The following USP18 variants were observed in gnomAD, a reference collection of about 807,000 sequenced individuals.
USP18 encodes the protein ubl carboxyl-terminal hydrolase 18.
In USP18, 11 loss-of-function variants were observed where a neutral mutation model predicts 48.7. The observed-to-expected ratio is 0.23, with a 90% CI of 0.14 to 0.37. USP18 has a LOEUF of 0.37. Among genes scored for constraint, USP18 ranks in the 10% least tolerant of loss-of-function variants. The pLI, the probability that USP18 is intolerant of heterozygous loss-of-function variation, is 1.00. For missense variants in USP18, 285 were observed against 436.4 expected, an observed-to-expected ratio of 0.65 and a Z score of 3.09; for synonymous variants, 114 against 163.2, an observed-to-expected ratio of 0.70 and a Z score of 2.30.
intron 4 of USP18, 117 bp downstream of exon 4, chr22:18,162,052 G>A: frequency 1.5e-6 from 2 of 1,346,038 alleles, no homozygotes; most frequent in East Asian, 5.2e-5. Flanking sequence ...AGGTAGCCTG[G>A]ACCCCTCAGA....
At chr22:18,164,321 C>T (rs528521627) in intron 4 of USP18, among the ~76,000 whole-genome samples, 341 of 151,952 alleles carry the variant, frequency 2.2e-3, no homozygotes, top group African/African-American at 7.3e-3. Flanking sequence ...TGCCTGTTCA[C>T]GCTGCACTGG....
At chr22:18,174,580 CT>C (rs918643229) in intron 10 of USP18, among the ~76,000 whole-genome samples, 9 of 151,916 alleles carry the variant, frequency 5.9e-5, no homozygotes, top group East Asian at 3.9e-4. Context: ...CAGCGAAGAT[CT>C]TTTTTTTAAT....
chr22:18,159,906 T>C (rs1400234386), intron 2 of USP18, among the ~76,000 whole-genome samples: 7 of 152,032 alleles, frequency 4.6e-5, no homozygotes, highest in Non-Finnish European at 4.4e-5. Flanking sequence ...CTCGATCTCC[T>C]GACCTCGTGA....
At chr22:18,167,802 T>C in intron 5 of USP18, 88 bp from the exon 6 acceptor site, 1 of 1,467,862 alleles carries the variant, frequency 6.8e-7, no homozygotes, top group East Asian at 2.3e-5. Context: ...GTGAGGAGCT[T>C]CTGTCTCTTG....
At chr22:18,167,094 A>G (rs2542109) in intron 4 of USP18, among the ~76,000 whole-genome samples, 161 bp from the exon 5 acceptor site, 79,471 of 151,986 alleles carry the variant, frequency 0.52, 24,289 homozygotes, top group African/African-American at 0.85. Flanking sequence ...CTTACTGTTC[A>G]TTTATTGATC....
At position 18,167,647 on chromosome 22, in the gene USP18, G is replaced by A. The variant is rs570891634; in HGVS notation, c.481-243G>A. ...CGGGAAGCGGAGCTTGCAGTGAGCC[G>A]AGATCGCGCCACTGCACTCCAGCCT... On this transcript the variant is annotated intron_variant, in intron 5 of 10. Transcript: ENST00000215794. Among the ~76,000 whole-genome samples the A allele has an allele frequency of 1.0e-3, 153 of 147,592 alleles. 1 individual carries two copies. The highest frequency in any genetic ancestry group is 3.2e-3 in the African/African-American group (128 of 39,912).
At chr22:18,152,358 G>A (rs34418672) in intron 1 of USP18, among the ~76,000 whole-genome samples, 36,110 of 151,838 alleles carry the variant, frequency 0.24, 4,603 homozygotes, top group African/African-American at 0.3. Context: ...GATTGGTCCT[G>A]GGGCTTCTTT....
At position 18,164,753 on chromosome 22, in the gene USP18, G is replaced by A. The variant is rs115094765; in HGVS notation, c.401-2502G>A. On this transcript the variant is annotated intron_variant, in intron 4 of 10. Transcript: ENST00000215794. ...TTAAAACTGCCTCTTTGCCCTCTGTGGTCGCAGAGGATTCATAACTGCTGA... is the reference window on the plus strand; with the variant it reads ...TTAAAACTGCCTCTTTGCCCTCTGTAGTCGCAGAGGATTCATAACTGCTGA... Among the ~76,000 whole-genome samples the A allele has an allele frequency of 3.7e-3, 568 of 152,302 alleles. 5 individuals are homozygous for A. The highest frequency in any genetic ancestry group is 0.013 in the African/African-American group (550 of 41,552).
chr22:18,163,250 A>AT (rs1014154465), intron 4 of USP18, among the ~76,000 whole-genome samples: 5 of 151,788 alleles, frequency 3.3e-5, no homozygotes, highest in Non-Finnish European at 7.4e-5. Flanking sequence ...CACCAGGGGC[A>AT]TTTTCTGGAG....
chr22:18,174,249 C>T (rs1200888560), intron 10 of USP18, among the ~76,000 whole-genome samples: 4 of 140,048 alleles, frequency 2.9e-5, no homozygotes, highest in South Asian at 2.3e-4. Flanking sequence ...TTTTTTTTGA[C>T]GGAGTCTCGC....
chr22:18,174,499 G>C (rs966461727), intron 10 of USP18, among the ~76,000 whole-genome samples: 1 of 152,050 alleles, frequency 6.6e-6, no homozygotes, highest in Non-Finnish European at 1.5e-5. Context: ...CAAAGTGCTG[G>C]GATTACAGGC....
At chr22:18,166,761 C>T (rs1176365920) in intron 4 of USP18, among the ~76,000 whole-genome samples, 1 of 151,052 alleles carries the variant, frequency 6.6e-6, no homozygotes, top group Non-Finnish European at 1.5e-5. Flanking sequence ...TTTCAAAGTC[C>T]CTGTGGACAT....
At position 18,167,890 on chromosome 22, in the gene USP18, G is replaced by A. The variant is rs777116612; in HGVS notation, c.481G>A (p.Val161Met). 5 of 1,613,224 alleles carry A rather than the reference G, an allele frequency of 3.1e-6. No individual in the cohort carries two copies. Among genetic ancestry groups the A allele is most frequent in the Non-Finnish European group, 3.4e-6 (4 of 1,179,424 alleles). The change falls in exon 6 of 11, where the codon GTG becomes ATG. Residue 161 changes from valine to methionine, a missense_variant and splice_region_variant. Coordinates refer to ENST00000215794, the MANE Select transcript of USP18 (RefSeq NM_017414.4). The part of the protein sequence containing the change: ...IKDQITDVHL[V>M]ERLQALYTIR... ...CACCTCTCCGCTCTCCCTCTTGCAG[G>A]TGGAGAGACTGCAGGCCCTGTATAC...
At chr22:18,174,065 T>A (rs980466495) in intron 10 of USP18, among the ~76,000 whole-genome samples, 13 of 152,192 alleles carry the variant, frequency 8.5e-5, no homozygotes, top group African/African-American at 2.9e-4. Context: ...ATCTCCCGTC[T>A]GCTGTGCACA....
At chr22:18,169,594 G>T (rs1045681570) in intron 6 of USP18, among the ~76,000 whole-genome samples, 2 of 152,124 alleles carry the variant, frequency 1.3e-5, no homozygotes, top group African/African-American at 4.8e-5. Flanking sequence ...TAAGACACCT[G>T]CTCCTCCCAG....
chr22:18,154,453 A>G (rs115872441), intron 1 of USP18, among the ~76,000 whole-genome samples: 4,841 of 152,090 alleles, frequency 0.032, 85 homozygotes, highest in African/African-American at 0.044. Context: ...ATTTCATCTT[A>G]TTTATTTATT....
At position 18,168,133 on chromosome 22, in the gene USP18, C is replaced by T. The variant is rs1929531313; in HGVS notation, c.627+97C>T. 13 of 1,544,988 alleles carry T rather than the reference C, an allele frequency of 8.4e-6. No homozygotes were observed. In the Admixed American group the frequency reaches 2.2e-4, roughly 26 times the overall value. On this transcript the variant is annotated intron_variant, in intron 6 of 10. Transcript: ENST00000215794. ...CTGAGACTAGGTAATTTATTTCTTA[C>T]AGTTCTGGAGGCTGGGAAGTCAAGG...
intron 4 of USP18, among the ~76,000 whole-genome samples, chr22:18,163,657 A>AAAAAAAG (rs1381626252): frequency 7.2e-5 from 11 of 152,080 alleles, no homozygotes; most frequent in Middle Eastern, 3.4e-3. Flanking sequence ...AAAAAGAAAA[A>AAAAAAAG]AAAAAAGAAA....
chr22:18,155,463 A>G lies in USP18; in HGVS notation c.-106-2095A>G, dbSNP rs546867926. Among the ~76,000 whole-genome samples, 66 of 152,194 alleles carry G rather than the reference A, an allele frequency of 4.3e-4. 2 individuals are homozygous for G. The Middle Eastern group carries it at 0.017, about 39-fold the overall frequency. On this transcript the variant is annotated intron_variant, in intron 1 of 10. Transcript: ENST00000215794. ...CTTCAGCCCACCGCTGCACTGTGGG[A>G]GCCCCTTCCTGGGCTGGCCGAGGCT...
Sources: allele counts gnomAD v4.1 joint callset (sites outside exome capture counted in the v4.1 genomes callset), GRCh38; gene constraint gnomAD v4.1.1; transcripts MANE v1.5; gene names NCBI Gene and HGNC (gene_info 2026-07-23, HGNC 2026-07-21).